Variants in KLHL2 observed in about 807,000 individuals in gnomAD.
The protein encoded by KLHL2 is kelch-like protein 2.
A neutral mutation model predicts 75.8 loss-of-function variants in KLHL2; 15 were observed. The ratio of observed to expected loss-of-function variants is 0.20; its 90% CI spans 0.13 to 0.30. The LOEUF (loss-of-function observed/expected upper bound fraction) is 0.30. Among genes scored for constraint, KLHL2 ranks in the 10% least tolerant of loss-of-function variants. The probability of loss-of-function intolerance (pLI) is 1.00; values close to 1 mark genes in which losing one functional copy is unlikely to be tolerated. For synonymous variants in KLHL2, 214 were observed against 251.9 expected, an observed-to-expected ratio of 0.85 and a Z score of 1.42; for missense variants, 381 against 741.0, an observed-to-expected ratio of 0.51 and a Z score of 5.64.
At chr4:165,222,395 T>C (rs1274154404) in intron 2 of KLHL2, among the ~76,000 whole-genome samples, 1 of 152,112 alleles carries the variant, frequency 6.6e-6, no homozygotes, top group African/African-American at 2.4e-5. Context: ...CCTTTTTGGA[T>C]GTGAACTCTA....
At chr4:165,310,936 G>A (rs1395439445) in intron 10 of KLHL2, among the ~76,000 whole-genome samples, 186 bp downstream of exon 10, 3 of 149,052 alleles carry the variant, frequency 2.0e-5, no homozygotes, top group Non-Finnish European at 4.4e-5. Context: ...CTCACTGCAA[G>A]CTCCGCCTGC....
intron 13 of KLHL2, 145 bp downstream of exon 13, chr4:165,314,311 C>T (rs564673451): frequency 4.4e-6 from 3 of 683,562 alleles, no homozygotes; most frequent in East Asian, 5.8e-5. Context: ...TCTTTAAAGC[C>T]AGAAACTTAT....
At chr4:165,216,776 C>T (rs184861205) in intron 1 of KLHL2, among the ~76,000 whole-genome samples, 145 of 152,094 alleles carry the variant, frequency 9.5e-4, no homozygotes, top group Admixed American at 2.6e-3. Context: ...TGAAAATGGA[C>T]GTTTGCAGAA....
intron 5 of KLHL2, among the ~76,000 whole-genome samples, chr4:165,272,868 A>C (rs1366822757): frequency 6.6e-6 from 1 of 152,196 alleles, no homozygotes; most frequent in African/African-American, 2.4e-5. Flanking sequence ...AATTATGCCA[A>C]GAATTTTTCA....
chr4:165,224,449 T>C (rs1369483159), intron 2 of KLHL2, among the ~76,000 whole-genome samples: 1 of 152,180 alleles, frequency 6.6e-6, no homozygotes, highest in East Asian at 1.9e-4. Flanking sequence ...CCCATAAATA[T>C]TGAGTTGTTC....
intron 5 of KLHL2, among the ~76,000 whole-genome samples, chr4:165,291,121 A>G (rs1695692507): frequency 6.6e-6 from 1 of 152,220 alleles, no homozygotes; most frequent in African/African-American, 2.4e-5. Context: ...TGCCATTTGT[A>G]TATGTCTTCT....
At chr4:165,285,240 ATTAAATCTTATGATT>A (rs1364413483) in intron 5 of KLHL2, among the ~76,000 whole-genome samples, 1 of 152,202 alleles carries the variant, frequency 6.6e-6, no homozygotes, top group Non-Finnish European at 1.5e-5. Flanking sequence ...CTCTTATACC[ATTAAATCTTATGATT>A]TTTATGGCAT....
intron 13 of KLHL2, among the ~76,000 whole-genome samples, chr4:165,314,636 G>A (rs1021270614): frequency 4.3e-4 from 66 of 152,200 alleles, no homozygotes; most frequent in African/African-American, 1.6e-3. Flanking sequence ...AGTCTGCAAA[G>A]GTAACCCTAG....
At chr4:165,301,708 A>T (rs1245599936) in intron 8 of KLHL2, among the ~76,000 whole-genome samples, 3 of 152,176 alleles carry the variant, frequency 2.0e-5, no homozygotes, top group African/African-American at 7.2e-5. Context: ...TTATTATTTT[A>T]TGTAAGTCTT....
Position 165,207,952 on chromosome 4 carries a change from G to T in KLHL2, c.26+50G>T. 7.8e-7 allele frequency: 1 copy of T among 1,285,270 alleles called. No homozygotes were observed. The highest frequency in any genetic ancestry group is 2.1e-5 in the South Asian group (1 of 46,780). The allele number at this position is 1,285,270 out of a possible 1,614,324, so 79.6% of individuals were successfully genotyped here. ...CGCCGCTGCGGATAAGCGCGCCGCTGCGGCGCGTGTCGCCGGCCGCGGGCG... is the reference window on the plus strand; with the variant it reads ...CGCCGCTGCGGATAAGCGCGCCGCTTCGGCGCGTGTCGCCGGCCGCGGGCG... On this transcript the variant is annotated intron_variant, in intron 1 of 14. Transcript: ENST00000226725. The surrounding 1 kb of genome is among the most constrained non-coding windows in gnomAD (Gnocchi z 4.2).
chr4:165,245,869 C>T (rs1161547607), intron 4 of KLHL2, among the ~76,000 whole-genome samples: 3 of 151,984 alleles, frequency 2.0e-5, no homozygotes, highest in African/African-American at 7.2e-5. Context: ...CTCTTTTTTT[C>T]ACTGCCAGTA....
intron 5 of KLHL2, among the ~76,000 whole-genome samples, chr4:165,272,611 G>A (rs1742783760): frequency 6.6e-6 from 1 of 152,056 alleles, no homozygotes; most frequent in Admixed American, 6.5e-5. Context: ...AGTGCCTGGG[G>A]AGAGAATGAA....
chr4:165,220,358 T>G (rs1483800860), intron 2 of KLHL2, among the ~76,000 whole-genome samples: 2 of 152,028 alleles, frequency 1.3e-5, no homozygotes, highest in African/African-American at 4.8e-5. Context: ...ATGTAAATAT[T>G]TTATTAATAC....
intron 9 of KLHL2, among the ~76,000 whole-genome samples, chr4:165,306,703 T>TTCTC (rs1745753475): frequency 7.1e-6 from 1 of 140,804 alleles, no homozygotes; most frequent in South Asian, 2.1e-4. Flanking sequence ...TTAAATATCT[T>TTCTC]TCTCTCTGAA....
chr4:165,245,521 C>A (rs1424172042), intron 4 of KLHL2, among the ~76,000 whole-genome samples: 1 of 152,088 alleles, frequency 6.6e-6, no homozygotes, highest in Non-Finnish European at 1.5e-5. Flanking sequence ...GTCTGCATTC[C>A]CGTAGGAAGC....
chr4:165,213,352 C>T (rs1737328486), intron 1 of KLHL2, among the ~76,000 whole-genome samples: 1 of 152,200 alleles, frequency 6.6e-6, no homozygotes, highest in South Asian at 2.1e-4. Flanking sequence ...CTCAGGCAGT[C>T]ACAGCCTTTC....
intron 8 of KLHL2, among the ~76,000 whole-genome samples, chr4:165,303,698 G>T (rs1259097950): frequency 2.0e-5 from 3 of 152,094 alleles, no homozygotes; most frequent in Non-Finnish European, 4.4e-5. Context: ...AAGTAGCTGG[G>T]ATTACAGGCA....
intron 9 of KLHL2, among the ~76,000 whole-genome samples, chr4:165,308,892 C>A (rs530517904): frequency 6.6e-6 from 1 of 152,240 alleles, no homozygotes; most frequent in South Asian, 2.1e-4. Context: ...AAACAGGCAA[C>A]TTCATCTGAA....
chr4:165,246,368 G>T (rs367827916), intron 4 of KLHL2, among the ~76,000 whole-genome samples: 2 of 152,126 alleles, frequency 1.3e-5, no homozygotes, highest in East Asian at 3.9e-4. Flanking sequence ...TGTTCCAGTT[G>T]TAGTTTGGGC....
Sources: gnomAD v4.1 joint callset for allele counts (sites outside exome capture counted in the v4.1 genomes callset) on GRCh38, gnomAD v4.1.1 for gene constraint, Gnocchi (gnomAD v3.1) non-coding constraint, MANE v1.5 for transcripts, NCBI Gene and HGNC (gene_info 2026-07-23, HGNC 2026-07-21) for gene names.